EPM2A: variants seen among roughly 807,000 people sequenced by gnomAD.
The protein encoded by EPM2A is EPM2A glucan phosphatase, laforin.
A neutral mutation model predicts 26.5 loss-of-function variants in EPM2A; 21 were observed. That is an observed-to-expected ratio of 0.79 (90% CI 0.56 to 1.14). The LOEUF (loss-of-function observed/expected upper bound fraction) is 1.14, where lower values mean the gene tolerates loss of function less well. Among genes scored for constraint, EPM2A ranks in the 50% most tolerant of loss-of-function variants. EPM2A has a pLI of 0.00. For synonymous variants in EPM2A, 217 were observed against 177.6 expected, an observed-to-expected ratio of 1.22 and a Z score of -1.76; for missense variants, 458 against 440.8, an observed-to-expected ratio of 1.04 and a Z score of -0.35.
intron 4 of EPM2A, among the ~76,000 whole-genome samples, chr6:145,448,598 G>T (rs1779154428): frequency 6.6e-6 from 1 of 152,084 alleles, no homozygotes; most frequent in African/African-American, 2.4e-5. Flanking sequence ...TATAAATATT[G>T]CTGGCTTTGT....
rs988121212 is a variant in EPM2A, at chr6:145,563,101, A to G, written c.341-60526T>C. 2.6e-5 allele frequency among the ~76,000 whole-genome samples: 4 copies of G among 151,716 alleles called. No homozygotes were observed. The South Asian group carries it at 8.4e-4, about 32-fold the overall frequency. ...AAACGGCTTGAGAAAAGGAAGAAGG[A>G]TGTGGCTTGATTTTGTGTTGCAGTT... On this transcript the variant is annotated intron_variant, in intron 2 of 3. Coordinates refer to the EPM2A transcript ENST00000450221.
At chr6:145,717,139 C>T (rs906921377) in intron 1 of EPM2A, among the ~76,000 whole-genome samples, 5 of 152,084 alleles carry the variant, frequency 3.3e-5, no homozygotes, top group Admixed American at 6.6e-5. Context: ...CATCCTGATA[C>T]CAAAGCCGGG....
At chr6:145,528,077 C>T (rs1386711098) in intron 2 of EPM2A, among the ~76,000 whole-genome samples, 1 of 152,112 alleles carries the variant, frequency 6.6e-6, no homozygotes, top group Non-Finnish European at 1.5e-5. Context: ...CTATTTAATT[C>T]TATGAAGGCT....
intron 2 of EPM2A, among the ~76,000 whole-genome samples, chr6:145,675,314 C>T (rs1260403070): frequency 6.6e-6 from 1 of 152,192 alleles, no homozygotes; most frequent in Non-Finnish European, 1.5e-5. Context: ...ACAACTGTTA[C>T]CACCCACTGC....
chr6:145,713,042 A>T (rs2128633062), intron 1 of EPM2A, among the ~76,000 whole-genome samples: 1 of 152,316 alleles, frequency 6.6e-6, no homozygotes, highest in East Asian at 1.9e-4. Context: ...TTACATTGAG[A>T]AATAAAGTTT....
At chr6:145,597,380 A>G (rs1290876269) in intron 2 of EPM2A, among the ~76,000 whole-genome samples, 3 of 152,242 alleles carry the variant, frequency 2.0e-5, no homozygotes, top group African/African-American at 7.2e-5. Flanking sequence ...TATTTTCCCA[A>G]TAGAAGATTG....
At position 145,573,687 on chromosome 6, in the gene EPM2A, G is replaced by A. The variant is rs372760834; in HGVS notation, c.340+61558C>T. ...TGGTTTCCATTTGGCCTTTCCCACC[G>A]TAATAGCCTTCACCCTACCAGTCAG... On this transcript the variant is annotated intron_variant, in intron 2 of 3. Coordinates refer to the EPM2A transcript ENST00000450221. Among the ~76,000 whole-genome samples the A allele has an allele frequency of 4.7e-4, 72 of 152,230 alleles. 1 individual carries two copies. Among genetic ancestry groups the A allele is most frequent in the South Asian group, 2.7e-3 (13 of 4,806 alleles).
At chr6:145,453,753 A>G (rs1282784528) in intron 4 of EPM2A, among the ~76,000 whole-genome samples, 1 of 152,204 alleles carries the variant, frequency 6.6e-6, no homozygotes, top group Non-Finnish European at 1.5e-5. Context: ...TATTACCTAA[A>G]GACCCAGATT....
chr6:145,666,076 CTG>C (rs1779161157), intron 2 of EPM2A, among the ~76,000 whole-genome samples: 1 of 146,188 alleles, frequency 6.8e-6, no homozygotes, highest in African/African-American at 2.6e-5. Context: ...TGGGCAAAAA[CTG>C]GAAGCATTCC....
intron 2 of EPM2A, among the ~76,000 whole-genome samples, chr6:145,602,023 G>A (rs1582888960): frequency 6.6e-6 from 1 of 152,126 alleles, no homozygotes. Flanking sequence ...TGTCATACCT[G>A]TATAAATGCT....
At chr6:145,664,752 C>T (rs575955435) in intron 2 of EPM2A, among the ~76,000 whole-genome samples, 1 of 152,060 alleles carries the variant, frequency 6.6e-6, no homozygotes, top group Admixed American at 6.5e-5. Context: ...AAATTGACCA[C>T]ATACTTGGAA....
intron 2 of EPM2A, among the ~76,000 whole-genome samples, chr6:145,543,524 A>G (rs1246310438): frequency 1.3e-5 from 2 of 149,298 alleles, no homozygotes; most frequent in Admixed American, 6.6e-5. Context: ...GTAGAACTAG[A>G]AAAAAAAATA....
chr6:145,540,966 T>C (rs530677616), intron 2 of EPM2A, among the ~76,000 whole-genome samples: 28 of 152,282 alleles, frequency 1.8e-4, no homozygotes, highest in Admixed American at 3.9e-4. Flanking sequence ...TTTTGGCCTA[T>C]AACTGGCAGA....
intron 2 of EPM2A, among the ~76,000 whole-genome samples, chr6:145,661,933 A>C (rs918797928): frequency 2.0e-5 from 3 of 152,188 alleles, no homozygotes; most frequent in African/African-American, 7.2e-5. Flanking sequence ...AAGTAAAAAA[A>C]ACTCATCATT....
intron 1 of EPM2A, among the ~76,000 whole-genome samples, chr6:145,728,495 A>C (rs1776324050): frequency 6.6e-6 from 1 of 152,234 alleles, no homozygotes; most frequent in Non-Finnish European, 1.5e-5. Context: ...TTTAGCAAAG[A>C]GACTGGCAGC....
intron 1 of EPM2A, chr6:145,686,820 T>A (rs970095163): frequency 6.2e-6 from 1 of 160,086 alleles, no homozygotes; most frequent in African/African-American, 2.4e-5. Context: ...ATTATTGTTT[T>A]CAAATGAGGA....
chr6:145,484,705 T>G (rs1201675235), intron 4 of EPM2A, among the ~76,000 whole-genome samples: 3 of 151,982 alleles, frequency 2.0e-5, no homozygotes, highest in Admixed American at 2.0e-4. Flanking sequence ...CAAAATGTCT[T>G]GCATTTACCA....
intron 2 of EPM2A, among the ~76,000 whole-genome samples, chr6:145,596,154 A>T (rs932631986): frequency 2.6e-5 from 4 of 152,234 alleles, no homozygotes; most frequent in African/African-American, 9.6e-5. Flanking sequence ...TCAAATGTTT[A>T]TTAGTGTTTA....
chr6:145,732,536 G>C (rs1228247613), intron 1 of EPM2A, among the ~76,000 whole-genome samples: 2 of 151,898 alleles, frequency 1.3e-5, no homozygotes, highest in African/African-American at 4.8e-5. Flanking sequence ...CATTCATCAA[G>C]TAGTGCAATT....
Sources: gnomAD v4.1 joint callset for allele counts (sites outside exome capture counted in the v4.1 genomes callset) on GRCh38, gnomAD v4.1.1 for gene constraint, MANE v1.5 for transcripts, NCBI Gene and HGNC (gene_info 2026-07-23, HGNC 2026-07-21) for gene names.